Variants in UBE2W observed in about 807,000 individuals in gnomAD.
The protein encoded by UBE2W is ubiquitin-conjugating enzyme E2 W.
UBE2W carries 18 observed loss-of-function variants against 27.2 expected under a neutral mutation model. The observed-to-expected ratio is 0.66, with a 90% CI of 0.46 to 0.98. UBE2W has a LOEUF of 0.98. Among genes scored for constraint, UBE2W ranks in the 50% least tolerant of loss-of-function variants. UBE2W has a pLI of 0.00. For missense variants in UBE2W, 90 were observed against 180.2 expected (o/e 0.50, Z 2.87); for synonymous variants, 53 against 57.2 (o/e 0.93, Z 0.33).
chr8:73,865,714 A>C (rs1811723802), intron 1 of UBE2W, among the ~76,000 whole-genome samples: 1 of 152,186 alleles, frequency 6.6e-6, no homozygotes, highest in South Asian at 2.1e-4. Context: ...AGATCTCTCT[A>C]TATATTTTTA....
rs557373480 is a variant in UBE2W at position 73,786,924 on chromosome 8, A to G, written c.*7178T>C. The G allele has an allele frequency of 1.5e-3, 1,456 of 985,414 alleles. 4 individuals carry two copies. The highest frequency in any genetic ancestry group is 1.7e-3 in the Non-Finnish European group (1,429 of 829,916). 61.0% of individuals were successfully genotyped at this position (985,414 alleles called of 1,614,324 possible). On this transcript the variant is annotated 3_prime_UTR_variant, in exon 6 of 6. Transcript: ENST00000602593. The stretch of plus-strand genomic sequence containing the variant: ...TTGAGGTATGGAAACATAAAATTTT[A>G]ATGTTGAATTGGCTATCTGCAGGAT...
intron 1 of UBE2W, among the ~76,000 whole-genome samples, chr8:73,863,425 T>C (rs1300994199): frequency 9.3e-6 from 1 of 107,700 alleles, no homozygotes; most frequent in Non-Finnish European, 1.9e-5. Context: ...CTGGGGACTG[T>C]GGTGGGGTGG....
intron 3 of UBE2W, among the ~76,000 whole-genome samples, chr8:73,823,284 A>T (rs1402115084): frequency 1.3e-5 from 2 of 152,354 alleles, no homozygotes; most frequent in South Asian, 2.1e-4. Context: ...GAAATTCAAC[A>T]TAATGTTTAA....
At chr8:73,826,318 A>G (rs1374923637) in intron 2 of UBE2W, among the ~76,000 whole-genome samples, 1 of 152,230 alleles carries the variant, frequency 6.6e-6, no homozygotes, top group Non-Finnish European at 1.5e-5. Context: ...ACAGGGCAGC[A>G]TTAGAAGCAA....
intron 1 of UBE2W, among the ~76,000 whole-genome samples, chr8:73,836,255 GC>G (rs1810304974): frequency 6.6e-6 from 1 of 152,078 alleles, no homozygotes; most frequent in Admixed American, 6.5e-5. Context: ...GACAATTCAT[GC>G]CAGCCCCCAG....
At chr8:73,844,308 TGACTGGTTTTCGTATCTTTTGGTGGA>T (rs933867290) in intron 1 of UBE2W, among the ~76,000 whole-genome samples, 1 of 152,160 alleles carries the variant, frequency 6.6e-6, no homozygotes, top group Admixed American at 6.5e-5. Flanking sequence ...CCGCCACACC[TGACTGGTTTTCGTATCTTTTGGTGGA>T]GACAGGGTTT....
chr8:73,844,509 CCCAGCCGTCTG>C (rs1810686532), intron 1 of UBE2W, among the ~76,000 whole-genome samples: 1 of 152,240 alleles, frequency 6.6e-6, no homozygotes, highest in South Asian at 2.1e-4. Flanking sequence ...ACCTCTACCT[CCCAGCCGTCTG>C]CCTTGGCCTC....
intron 1 of UBE2W, among the ~76,000 whole-genome samples, chr8:73,844,929 A>G (rs1810715286): frequency 6.8e-6 from 1 of 146,538 alleles, no homozygotes; most frequent in African/African-American, 2.5e-5. Context: ...CGGTCTGGGA[A>G]GTGAGGAGCC....
chr8:73,786,970 C>G lies in UBE2W; in HGVS notation c.*7132G>C. 1.0e-6 allele frequency: 1 copy of G among 985,416 alleles called. No homozygotes were observed. The highest frequency in any genetic ancestry group is 1.2e-6 in the Non-Finnish European group (1 of 829,920). The allele number at this position is 985,416 out of a possible 1,614,324, so 61.0% of individuals were successfully genotyped here. A position where few individuals can be genotyped will look rare whatever the true frequency, so the allele number is the denominator to read the frequency against. On this transcript the variant is annotated 3_prime_UTR_variant, in exon 6 of 6. Coordinates refer to ENST00000602593, the MANE Select transcript of UBE2W (RefSeq NM_018299.6). Reference sequence around the variant, plus strand: ...AGGATACAGCCATCTATATTAGGATCTTGTCTAATGACATATATTCACCCA... The same window carrying G: ...AGGATACAGCCATCTATATTAGGATGTTGTCTAATGACATATATTCACCCA...
Position 73,788,028 on chromosome 8 carries a change from G to A in UBE2W, c.*6074C>T. The A allele has an allele frequency of 1.0e-6, 1 of 985,348 alleles. No homozygotes were observed. The allele number at this position is 985,348 out of a possible 1,614,324, so 61.0% of individuals were successfully genotyped here. ...TGTTTCTATAATCCTTTAAAATTCA[G>A]TCTTTTGTGAAGAGAAACTACTGTA... On this transcript the variant is annotated 3_prime_UTR_variant, in exon 6 of 6. Coordinates refer to ENST00000602593, the MANE Select transcript of UBE2W (RefSeq NM_018299.6).
At chr8:73,865,796 A>C (rs1424220290) in intron 1 of UBE2W, among the ~76,000 whole-genome samples, 1 of 152,164 alleles carries the variant, frequency 6.6e-6, no homozygotes. Flanking sequence ...TCTAATTTTA[A>C]AATTTTTTAA....
chr8:73,827,586 G>A lies in UBE2W; in HGVS notation c.108-2337C>T, dbSNP rs1238642141. ...ACTCTGTCACCCAGGCTGGAGTACC[G>A]TGGTGCAATCAGGGCTCACTGCAGC... On this transcript the variant is annotated intron_variant, in intron 2 of 5. Coordinates refer to ENST00000602593, the MANE Select transcript of UBE2W (RefSeq NM_018299.6). Among the ~76,000 whole-genome samples the A allele has an allele frequency of 3.9e-5, 6 of 152,182 alleles. No individual in the cohort carries two copies. In the South Asian group the frequency reaches 6.2e-4, roughly 16 times the overall value.
At chr8:73,821,412 T>C (rs1335541944) in intron 3 of UBE2W, among the ~76,000 whole-genome samples, 3 of 151,608 alleles carry the variant, frequency 2.0e-5, no homozygotes, top group African/African-American at 7.3e-5. Flanking sequence ...TACAGGGACT[T>C]GAATGCCAGG....
intron 1 of UBE2W, among the ~76,000 whole-genome samples, chr8:73,844,456 T>C (rs546664257): frequency 2.1e-4 from 32 of 152,348 alleles, no homozygotes; most frequent in South Asian, 6.2e-4. Context: ...GTGCTCAATG[T>C]TGCCCTGGCT....
intron 1 of UBE2W, among the ~76,000 whole-genome samples, chr8:73,855,403 T>C (rs1811252439): frequency 7.1e-6 from 1 of 141,754 alleles, no homozygotes; most frequent in Admixed American, 6.9e-5. Context: ...TCTTTTTTTT[T>C]TTTTTTTTTT....
At chr8:73,831,302 TTTC>T (rs2130909751) in intron 1 of UBE2W, 1 of 202,626 alleles carries the variant, frequency 4.9e-6, no homozygotes, top group South Asian at 1.0e-4. Flanking sequence ...CATGTAAAGA[TTTC>T]TTTTTTTAAT....
chr8:73,851,522 G>C (rs1281019937), intron 1 of UBE2W, among the ~76,000 whole-genome samples: 1 of 152,034 alleles, frequency 6.6e-6, no homozygotes, highest in African/African-American at 2.4e-5. Flanking sequence ...TGATCTCCTT[G>C]GGACAGTGAT....
At chr8:73,868,704 GAAAAAAA>G (rs79830383) in intron 1 of UBE2W, among the ~76,000 whole-genome samples, 1 of 130,406 alleles carries the variant, frequency 7.7e-6, no homozygotes, top group East Asian at 2.3e-4. Flanking sequence ...TGCTTGGTGT[GAAAAAAA>G]AAAAAAAACC....
intron 3 of UBE2W, 46 bp downstream of exon 3, chr8:73,825,101 A>T: frequency 8.4e-7 from 1 of 1,185,454 alleles, no homozygotes; most frequent in Non-Finnish European, 1.2e-6. Context: ...TCTGGCATTT[A>T]GCTATCTAAA....
Sources: gnomAD v4.1 joint callset for allele counts (sites outside exome capture counted in the v4.1 genomes callset) on GRCh38, gnomAD v4.1.1 for gene constraint, MANE v1.5 for transcripts, NCBI Gene and HGNC (gene_info 2026-07-23, HGNC 2026-07-21) for gene names.